NPAS3: variants seen among roughly 807,000 people sequenced by gnomAD.
NPAS3 encodes the protein neuronal PAS domain-containing protein 3.
NPAS3 carries 14 observed loss-of-function variants against 73.1 expected under a neutral mutation model. The observed-to-expected ratio is 0.19, with a 90% CI of 0.13 to 0.30. The LOEUF (loss-of-function observed/expected upper bound fraction) is 0.30, where lower values mean the gene tolerates loss of function less well. NPAS3 is among the 10% of genes least tolerant of loss of function. NPAS3 has a pLI of 1.00. For missense variants in NPAS3, 1,096 were observed against 1,250.0 expected (o/e 0.88, Z 1.86); for synonymous variants, 620 against 541.5 (o/e 1.14, Z -2.01).
chr14:33,524,393 A>C (rs1037303888), intron 4 of NPAS3, among the ~76,000 whole-genome samples: 3 of 152,142 alleles, frequency 2.0e-5, no homozygotes, highest in African/African-American at 7.2e-5. Context: ...GACACTCAAA[A>C]ATTGGTCAAA....
chr14:33,071,307 CACTT>C (rs919048526), intron 2 of NPAS3, among the ~76,000 whole-genome samples: 1 of 152,268 alleles, frequency 6.6e-6, no homozygotes, highest in Admixed American at 6.5e-5. Flanking sequence ...TTCTAAATAA[CACTT>C]ACATGGTCAT....
chr14:32,986,116 G>T (rs2038087714), intron 1 of NPAS3, among the ~76,000 whole-genome samples: 1 of 152,152 alleles, frequency 6.6e-6, no homozygotes, highest in Non-Finnish European at 1.5e-5. Context: ...GGTTTTGGAT[G>T]TGTTGCATCA....
At chr14:32,949,453 A>G (rs1439364086) in intron 1 of NPAS3, among the ~76,000 whole-genome samples, 3 of 152,080 alleles carry the variant, frequency 2.0e-5, no homozygotes, top group Admixed American at 6.6e-5. Context: ...CCGCTTCTCA[A>G]GCCTCTGGAC....
intron 4 of NPAS3, among the ~76,000 whole-genome samples, chr14:33,379,894 A>G (rs1360189186): frequency 6.6e-6 from 1 of 152,038 alleles, no homozygotes; most frequent in Non-Finnish European, 1.5e-5. Context: ...CAACAATTAT[A>G]TTATAATGTC....
intron 7 of NPAS3, among the ~76,000 whole-genome samples, chr14:33,759,797 C>A (rs1375781683): frequency 6.6e-6 from 1 of 152,146 alleles, no homozygotes; most frequent in Non-Finnish European, 1.5e-5. Flanking sequence ...TCCAATTGTC[C>A]TTTTAGACGT....
chr14:33,520,834 T>C (rs974760396), intron 4 of NPAS3, among the ~76,000 whole-genome samples: 1 of 152,164 alleles, frequency 6.6e-6, no homozygotes, highest in Non-Finnish European at 1.5e-5. Flanking sequence ...AGGACCGCTG[T>C]GCAGAGAGGT....
intron 6 of NPAS3, among the ~76,000 whole-genome samples, chr14:33,718,583 C>T (rs996021356): frequency 1.6e-4 from 25 of 152,138 alleles, no homozygotes; most frequent in Admixed American, 1.2e-3. Flanking sequence ...AAGGTAGTAA[C>T]GTGTGTATAC....
chr14:33,260,878 T>A (rs1177079520), intron 3 of NPAS3, among the ~76,000 whole-genome samples: 1 of 152,178 alleles, frequency 6.6e-6, no homozygotes, highest in Non-Finnish European at 1.5e-5. Context: ...TTGAATGAAG[T>A]CAGTTCATGA....
At chr14:33,392,509 G>A (rs935925730) in intron 4 of NPAS3, among the ~76,000 whole-genome samples, 4 of 152,192 alleles carry the variant, frequency 2.6e-5, no homozygotes, top group African/African-American at 4.8e-5. Context: ...AAATAATGCA[G>A]TAGTAGCTTA....
At chr14:33,304,038 G>A (rs953650228) in intron 3 of NPAS3, among the ~76,000 whole-genome samples, 17 of 152,274 alleles carry the variant, frequency 1.1e-4, no homozygotes, top group Non-Finnish European at 2.4e-4. Context: ...CTCCCAAGTA[G>A]CTGGGACTAC....
chr14:33,488,457 C>T (rs900442771), intron 4 of NPAS3, among the ~76,000 whole-genome samples: 5 of 152,142 alleles, frequency 3.3e-5, no homozygotes, highest in Admixed American at 2.6e-4. Context: ...TCAGAGTAGT[C>T]TGAGAGCGAG....
At chr14:33,172,127 TATA>T (rs1411529109) in intron 2 of NPAS3, among the ~76,000 whole-genome samples, 1 of 152,016 alleles carries the variant, frequency 6.6e-6, no homozygotes, top group Non-Finnish European at 1.5e-5. Flanking sequence ...ACATAACAGA[TATA>T]ATAATAATGA....
intron 3 of NPAS3, among the ~76,000 whole-genome samples, chr14:33,234,144 TC>T (rs2047949007): frequency 6.6e-6 from 1 of 152,072 alleles, no homozygotes; most frequent in African/African-American, 2.4e-5. Context: ...CTCCAGTTTT[TC>T]CCCCAAAATT....
intron 5 of NPAS3, among the ~76,000 whole-genome samples, chr14:33,598,742 A>T (rs1272435382): frequency 6.6e-6 from 1 of 152,208 alleles, no homozygotes; most frequent in Non-Finnish European, 1.5e-5. Context: ...GACTTCACAG[A>T]TTACATCAAA....
At chr14:33,693,579 A>G (rs1415707221) in intron 6 of NPAS3, among the ~76,000 whole-genome samples, 2 of 152,200 alleles carry the variant, frequency 1.3e-5, no homozygotes, top group Non-Finnish European at 2.9e-5. Flanking sequence ...CAAAATGATC[A>G]ATCCAGAAGT....
intron 4 of NPAS3, among the ~76,000 whole-genome samples, chr14:33,526,852 AC>A (rs2053824376): frequency 6.6e-6 from 1 of 152,024 alleles, no homozygotes; most frequent in African/African-American, 2.4e-5. Flanking sequence ...AGCCCTTCAG[AC>A]CTCACTGTGT....
chr14:33,346,935 A>G (rs1379060401), intron 3 of NPAS3, among the ~76,000 whole-genome samples: 1 of 152,176 alleles, frequency 6.6e-6, no homozygotes, highest in Non-Finnish European at 1.5e-5. Context: ...TACACCTGCC[A>G]ATATGTTTCC....
At chr14:32,951,447 T>A (rs1033753338) in intron 1 of NPAS3, among the ~76,000 whole-genome samples, 3 of 152,114 alleles carry the variant, frequency 2.0e-5, no homozygotes, top group Admixed American at 6.5e-5. Context: ...CATGAAAACA[T>A]CTTTGAAAGG....
At chr14:33,512,668 G>A (rs1364765088) in intron 4 of NPAS3, among the ~76,000 whole-genome samples, 15 of 151,954 alleles carry the variant, frequency 9.9e-5, no homozygotes, top group Admixed American at 8.5e-4. Flanking sequence ...TTCTCTCTTT[G>A]TAGAACTTCT....
Sources: gnomAD v4.1 joint callset for allele counts (sites outside exome capture counted in the v4.1 genomes callset) on GRCh38, gnomAD v4.1.1 for gene constraint, MANE v1.5 for transcripts, NCBI Gene and HGNC (gene_info 2026-07-23, HGNC 2026-07-21) for gene names.